Variants in TRIT1 observed in about 807,000 individuals in gnomAD.
TRIT1 encodes the protein tRNA dimethylallyltransferase.
Under a neutral mutation model 51.2 loss-of-function variants are expected in TRIT1, and 43 were observed. That is an observed-to-expected ratio of 0.84 (90% CI 0.66 to 1.08). The LOEUF is 1.08. Among genes scored for constraint, TRIT1 ranks in the 50% least tolerant of loss-of-function variants. TRIT1 has a pLI of 0.00. For synonymous variants in TRIT1, 184 were observed against 203.9 expected (o/e 0.90, Z 0.83); for missense variants, 528 against 578.4 (o/e 0.91, Z 0.89).
chr1:39,852,930 T>TTGGTTG, intron 3 of TRIT1, 54 bp from the exon 4 acceptor site: 1 of 1,585,942 alleles, frequency 6.3e-7, no homozygotes. Flanking sequence ...TGAGACAGTG[T>TTGGTTG]ATGTGCCAGG....
chr1:39,856,061 C>T (rs973105032), intron 2 of TRIT1, among the ~76,000 whole-genome samples: 1 of 152,120 alleles, frequency 6.6e-6, no homozygotes, highest in African/African-American at 2.4e-5. Context: ...TATCCCAGCA[C>T]TTTGGAAGGC....
In TRIT1 at chr1:39,839,399, GT is replaced by G. The variant is rs1191884372; in HGVS notation, c.*2344del. ...CTTGCTCTGTGACTGGAACATCCATGTTTTAGGCCTCAGTTTCCCCATCCAT... is the reference window on the plus strand; with the variant it reads ...CTTGCTCTGTGACTGGAACATCCATGTTTAGGCCTCAGTTTCCCCATCCAT... On this transcript the variant is annotated 3_prime_UTR_variant, in exon 11 of 11. Transcript: ENST00000316891. Among the ~76,000 whole-genome samples, 1 of 152,196 alleles carries G rather than the reference GT, an allele frequency of 6.6e-6. No homozygotes were observed. The highest frequency in any genetic ancestry group is 2.4e-5 in the African/African-American group (1 of 41,458).
chr1:39,875,299 C>A (rs1644013589), intron 1 of TRIT1, among the ~76,000 whole-genome samples: 1 of 152,024 alleles, frequency 6.6e-6, no homozygotes, highest in African/African-American at 2.4e-5. Flanking sequence ...ACCAGCCTGA[C>A]CAACATGGTG....
intron 10 of TRIT1, 43 bp downstream of exon 10, chr1:39,844,058 A>G (rs1176465277): frequency 7.1e-7 from 1 of 1,412,908 alleles, no homozygotes; most frequent in Non-Finnish European, 1.0e-6. Context: ...GTCAATGTGA[A>G]CCCACCCTTA....
intron 1 of TRIT1, among the ~76,000 whole-genome samples, chr1:39,868,013 C>T (rs533906991): frequency 1.3e-5 from 2 of 151,304 alleles, no homozygotes; most frequent in South Asian, 2.1e-4. Context: ...GACTCCATCT[C>T]GGCTCACTGC....
chr1:39,878,058 C>T (rs1644128455), intron 1 of TRIT1, among the ~76,000 whole-genome samples: 1 of 152,086 alleles, frequency 6.6e-6, no homozygotes, highest in African/African-American at 2.4e-5. Context: ...AGAGAAATCC[C>T]AAAGAAGGTA....
At chr1:39,869,426 G>A (rs1643746262) in intron 1 of TRIT1, among the ~76,000 whole-genome samples, 1 of 152,248 alleles carries the variant, frequency 6.6e-6, no homozygotes, top group Admixed American at 6.5e-5. Context: ...ACAGGCTGGA[G>A]TGCAGTGTTG....
chr1:39,875,947 A>T (rs1301776783), intron 1 of TRIT1: 1 of 152,102 alleles, frequency 6.6e-6, no homozygotes, highest in South Asian at 2.1e-4. Flanking sequence ...ACTGCCTGAC[A>T]TATATATTAT....
At position 39,883,405 on chromosome 1, in the gene TRIT1, G is replaced by A. The variant is rs1237965121; in HGVS notation, c.87C>T (p.Leu29=). 9 of 1,613,736 alleles carry A rather than the reference G, an allele frequency of 5.6e-6. No homozygotes were observed. Among genetic ancestry groups the A allele is most frequent in the African/African-American group, 4.0e-5 (3 of 74,924 alleles). The part of the protein sequence containing the change: ...LQRTLPLVVI[L]GATGTGKSTL... Reference sequence around the variant, plus strand: ...TGGATTTGCCGGTGCCCGTGGCCCCGAGAATCACTACAAGAGGTAGGGTCC... The same window carrying A: ...TGGATTTGCCGGTGCCCGTGGCCCCAAGAATCACTACAAGAGGTAGGGTCC... The change falls in exon 1 of 11, where the codon CTC becomes CTT. Residue 29 remains leucine, a synonymous_variant. Coordinates refer to ENST00000316891, the MANE Select transcript of TRIT1 (RefSeq NM_017646.6).
chr1:39,879,181 A>C lies in TRIT1; in HGVS notation c.174+4137T>G, dbSNP rs145324276. 3.4e-3 allele frequency among the ~76,000 whole-genome samples: 510 copies of C among 152,232 alleles called. 4 individuals carry two copies. The highest frequency in any genetic ancestry group is 0.012 in the African/African-American group (499 of 41,538). ...CTACTCGGGAGGCTGAGGCAGGAGA[A>C]TCGCTTGAACATGGGAGGCAGAGGT... On this transcript the variant is annotated intron_variant, in intron 1 of 10. Transcript: ENST00000316891.
In TRIT1 at chr1:39,872,843, G is replaced by T. The variant is rs572960804; in HGVS notation, c.174+10475C>A. Among the ~76,000 whole-genome samples, 35 of 149,610 alleles carry T rather than the reference G, an allele frequency of 2.3e-4. 1 individual carries two copies. The South Asian group carries it at 7.1e-3, about 30-fold the overall frequency. ...GGGAGGGAGGGAGGGAAGAAGGGAAGAAGTGAGGGAGGGGAAGGAAAAGGA... is the reference window on the plus strand; with the variant it reads ...GGGAGGGAGGGAGGGAAGAAGGGAATAAGTGAGGGAGGGGAAGGAAAAGGA... On this transcript the variant is annotated intron_variant, in intron 1 of 10. Transcript: ENST00000316891.
intron 1 of TRIT1, among the ~76,000 whole-genome samples, chr1:39,873,928 T>C (rs527513809): frequency 3.9e-5 from 6 of 151,982 alleles, no homozygotes; most frequent in Non-Finnish European, 7.4e-5. Context: ...GGCAGGAGAA[T>C]TGCTTGAACC....
chr1:39,875,589 T>G (rs1335187805), intron 1 of TRIT1, among the ~76,000 whole-genome samples: 1 of 152,124 alleles, frequency 6.6e-6, no homozygotes, highest in East Asian at 1.9e-4. Flanking sequence ...GGTCTATATT[T>G]TTAGTTTTAC....
intron 1 of TRIT1, among the ~76,000 whole-genome samples, chr1:39,879,502 A>C (rs1557589620): frequency 2.0e-5 from 3 of 151,758 alleles, no homozygotes; most frequent in African/African-American, 7.3e-5. Context: ...ATATATATAT[A>C]TTTATCACCA....
chr1:39,845,914 A>G (rs758054167), intron 8 of TRIT1, among the ~76,000 whole-genome samples: 1 of 152,242 alleles, frequency 6.6e-6, no homozygotes, highest in African/African-American at 2.4e-5. Flanking sequence ...AGGAACAGGC[A>G]TATGACACAC....
At chr1:39,875,256 G>A (rs1237581824) in intron 1 of TRIT1, among the ~76,000 whole-genome samples, 2 of 151,964 alleles carry the variant, frequency 1.3e-5, no homozygotes, top group Non-Finnish European at 2.9e-5. Context: ...TTGGGAGCCC[G>A]AGGTGGGCAG....
intron 1 of TRIT1, among the ~76,000 whole-genome samples, chr1:39,868,155 C>T (rs575935098): frequency 6.8e-4 from 103 of 151,172 alleles, no homozygotes; most frequent in Middle Eastern, 3.4e-3. Flanking sequence ...ACCGTGTTAG[C>T]CAGGATGGTC....
chr1:39,865,310 T>G (rs975929576), intron 1 of TRIT1, among the ~76,000 whole-genome samples: 2 of 152,244 alleles, frequency 1.3e-5, no homozygotes, highest in African/African-American at 2.4e-5. Flanking sequence ...TAGCAGTATC[T>G]GTCAGGAAAC....
At chr1:39,876,118 C>G (rs1174087014) in intron 1 of TRIT1, 3 of 152,152 alleles carry the variant, frequency 2.0e-5, no homozygotes, top group African/African-American at 7.2e-5. Context: ...ATTCAAGTTT[C>G]TGAGGAATCC....
Sources: allele counts gnomAD v4.1 joint callset (sites outside exome capture counted in the v4.1 genomes callset), GRCh38; gene constraint gnomAD v4.1.1; transcripts MANE v1.5; gene names NCBI Gene and HGNC (gene_info 2026-07-23, HGNC 2026-07-21).